WASF2: variants seen among roughly 807,000 people sequenced by gnomAD.
WASF2 encodes the protein WASP family member 2.
WASF2 carries 14 observed loss-of-function variants against 45.0 expected under a neutral mutation model. That is an observed-to-expected ratio of 0.31 (90% CI 0.21 to 0.49). WASF2 has a LOEUF of 0.49. Among genes scored for constraint, WASF2 ranks in the 20% least tolerant of loss-of-function variants. The pLI is 0.99. For missense variants in WASF2, 439 were observed against 636.1 expected, an observed-to-expected ratio of 0.69 and a Z score of 3.33; for synonymous variants, 200 against 236.3, an observed-to-expected ratio of 0.85 and a Z score of 1.41.
intron 1 of WASF2, among the ~76,000 whole-genome samples, chr1:27,480,708 G>A (rs1300080887): frequency 1.3e-5 from 2 of 151,796 alleles, no homozygotes; most frequent in Non-Finnish European, 2.9e-5. Flanking sequence ...CAAGCCACAC[G>A]ACATATTTAA....
At chr1:27,430,196 T>C (rs1571132401) in intron 1 of WASF2, among the ~76,000 whole-genome samples, 1 of 152,364 alleles carries the variant, frequency 6.6e-6, no homozygotes, top group South Asian at 2.1e-4. Context: ...AAAATGGATA[T>C]GACTACAGTC....
Position 27,419,157 on chromosome 1 carries a change from C to T in WASF2, c.131-69G>A, listed in dbSNP as rs1571123788. The T allele has an allele frequency of 3.2e-6, 5 of 1,578,256 alleles. No homozygotes were observed. In the East Asian group the frequency reaches 1.1e-4, roughly 36 times the overall value. On this transcript the variant is annotated intron_variant, in intron 2 of 8. Transcript: ENST00000618852. ...CGTAAATGGTCACAAAAACTGGCTA[C>T]TAAAGATCGTGTTCCCTAACCCCCA...
intron 7 of WASF2, among the ~76,000 whole-genome samples, chr1:27,411,776 T>C (rs893354436): frequency 1.3e-5 from 2 of 152,188 alleles, no homozygotes; most frequent in Non-Finnish European, 2.9e-5. Flanking sequence ...GGCAAGAGAA[T>C]GGCATGAACC....
At chr1:27,416,390 G>A (rs1223754415) in intron 4 of WASF2, among the ~76,000 whole-genome samples, 1 of 152,176 alleles carries the variant, frequency 6.6e-6, no homozygotes. Context: ...GATTACTTCT[G>A]ATGATCTGCA....
chr1:27,478,975 A>T (rs191100692), intron 1 of WASF2, among the ~76,000 whole-genome samples: 1 of 152,220 alleles, frequency 6.6e-6, no homozygotes, highest in East Asian at 1.9e-4. Flanking sequence ...CTCACTGTAT[A>T]TAAGTTTTAC....
chr1:27,460,101 T>C (rs755826743), intron 1 of WASF2, among the ~76,000 whole-genome samples: 3 of 152,218 alleles, frequency 2.0e-5, no homozygotes, highest in African/African-American at 4.8e-5. Context: ...CAAGTATCTA[T>C]AGGAAGTTGA....
chr1:27,417,859 A>G (rs906293396), intron 4 of WASF2, among the ~76,000 whole-genome samples: 1 of 152,146 alleles, frequency 6.6e-6, no homozygotes, highest in Non-Finnish European at 1.5e-5. Context: ...ACATCTGGTA[A>G]TCTAGTGGTT....
intron 1 of WASF2, among the ~76,000 whole-genome samples, chr1:27,451,953 T>C (rs2017389256): frequency 6.6e-6 from 1 of 152,188 alleles, no homozygotes; most frequent in Non-Finnish European, 1.5e-5. Flanking sequence ...ATTACAGTAA[T>C]ATTAGTAAAA....
At chr1:27,454,147 GTGTGTGTATATATATATATATATA>G (rs1296804022) in intron 1 of WASF2, among the ~76,000 whole-genome samples, 3 of 19,610 alleles carry the variant, frequency 1.5e-4, no homozygotes, top group East Asian at 1.7e-3. Context: ...GTGTGTGTGT[GTGTGTGTATATATATATATATATA>G]TATATATATA....
chr1:27,451,539 A>G (rs2148125110), intron 1 of WASF2, among the ~76,000 whole-genome samples: 1 of 152,316 alleles, frequency 6.6e-6, no homozygotes, highest in Middle Eastern at 3.4e-3. Context: ...TAAAAGCTAT[A>G]GGGAGCTATT....
chr1:27,423,500 A>T (rs1427797574), intron 2 of WASF2, among the ~76,000 whole-genome samples: 1 of 152,228 alleles, frequency 6.6e-6, no homozygotes, highest in Non-Finnish European at 1.5e-5. Flanking sequence ...CTAAGTTTTA[A>T]GCTTAGAGGA....
At chr1:27,465,009 T>C (rs2017595845) in intron 1 of WASF2, among the ~76,000 whole-genome samples, 1 of 152,166 alleles carries the variant, frequency 6.6e-6, no homozygotes, top group Admixed American at 6.6e-5. Context: ...TTACAGCCTT[T>C]ACTTTTATTT....
intron 1 of WASF2, among the ~76,000 whole-genome samples, chr1:27,454,175 ATATATATATATATTTTT>A (rs1473998037): frequency 0.059 from 1,976 of 33,658 alleles, 15 homozygotes; most frequent in Middle Eastern, 0.12. Flanking sequence ...ATATATATAT[ATATATATATATATTTTT>A]TTTTTTTTTT....
intron 8 of WASF2, among the ~76,000 whole-genome samples, 184 bp from the exon 9 acceptor site, chr1:27,408,530 G>A (rs905731994): frequency 5.3e-5 from 8 of 152,176 alleles, no homozygotes; most frequent in Admixed American, 1.3e-4. Context: ...GATGTCACAG[G>A]TGTGTCTGAA....
At chr1:27,462,480 A>G (rs539083413) in intron 1 of WASF2, among the ~76,000 whole-genome samples, 36 of 152,118 alleles carry the variant, frequency 2.4e-4, no homozygotes, top group Non-Finnish European at 4.0e-4. Flanking sequence ...AAAACAAAAA[A>G]AGAGAGAGAG....
chr1:27,458,021 AT>A (rs2017495592), intron 1 of WASF2, among the ~76,000 whole-genome samples: 1 of 151,966 alleles, frequency 6.6e-6, no homozygotes, highest in Non-Finnish European at 1.5e-5. Flanking sequence ...TGTCAAAAGT[AT>A]TTGTTGGCTG....
At chr1:27,464,941 C>A (rs949438246) in intron 1 of WASF2, among the ~76,000 whole-genome samples, 11 of 152,322 alleles carry the variant, frequency 7.2e-5, no homozygotes, top group Middle Eastern at 3.4e-3. Flanking sequence ...GTTGGCCAGG[C>A]TGGTCTTGAA....
At chr1:27,421,837 G>A (rs1288131175) in intron 2 of WASF2, among the ~76,000 whole-genome samples, 2 of 151,712 alleles carry the variant, frequency 1.3e-5, no homozygotes, top group African/African-American at 2.4e-5. Flanking sequence ...TTAGCTGGGC[G>A]TGGTGGCGGA....
intron 1 of WASF2, among the ~76,000 whole-genome samples, chr1:27,456,992 T>C (rs2017477731): frequency 6.6e-6 from 1 of 152,084 alleles, no homozygotes; most frequent in African/African-American, 2.4e-5. Context: ...TCTGCCCGTC[T>C]CGGCCCCCCA....
Sources: allele counts gnomAD v4.1 joint callset (sites outside exome capture counted in the v4.1 genomes callset), GRCh38; gene constraint gnomAD v4.1.1; transcripts MANE v1.5; gene names NCBI Gene and HGNC (gene_info 2026-07-23, HGNC 2026-07-21).